The following NCOA3 variants were observed in gnomAD, a reference collection of about 807,000 sequenced individuals.
NCOA3 encodes CBP-interacting protein.
A neutral mutation model predicts 158.8 loss-of-function variants in NCOA3; 51 were observed. The observed-to-expected ratio is 0.32, with a 90% confidence interval of 0.26 to 0.41. The LOEUF (loss-of-function observed/expected upper bound fraction) is 0.41. NCOA3 is among the 10% of genes least tolerant of loss of function. The pLI is 1.00. For missense variants in NCOA3, 1,510 were observed against 1,746.6 expected (o/e 0.86, Z 2.41); for synonymous variants, 537 against 592.4 (o/e 0.91, Z 1.36).
intron 1 of NCOA3, among the ~76,000 whole-genome samples, chr20:47,561,331 C>T (rs1319426147): frequency 5.7e-5 from 8 of 139,566 alleles, no homozygotes; most frequent in African/African-American, 1.6e-4. Context: ...TACACGGTCT[C>T]GATCTGTTGC....
intron 1 of NCOA3, among the ~76,000 whole-genome samples, chr20:47,527,091 A>G (rs928632777): frequency 3.9e-5 from 6 of 152,186 alleles, no homozygotes; most frequent in Admixed American, 3.9e-4. Context: ...AGTAGCTTTT[A>G]TGTAGTTTGC....
chr20:47,512,492 C>T (rs557891593), intron 1 of NCOA3, among the ~76,000 whole-genome samples: 61 of 150,788 alleles, frequency 4.0e-4, no homozygotes, highest in Non-Finnish European at 7.1e-4. Flanking sequence ...TGCTTGAACC[C>T]GGCAGGCGAA....
At chr20:47,517,256 G>A (rs1423528586) in intron 1 of NCOA3, among the ~76,000 whole-genome samples, 2 of 152,020 alleles carry the variant, frequency 1.3e-5, no homozygotes, top group African/African-American at 4.8e-5. Flanking sequence ...TTACTATAAC[G>A]AAACAGTACA....
At position 47,627,742 on chromosome 20, in the gene NCOA3, A is replaced by G. The variant is rs1274966326; in HGVS notation, c.714A>G (p.Glu238=). ...CTCAGCCACGAGCTATGATGGAGGA[A>G]GGGGAAGGTAAGAGCTATTATATGT... is the stretch of plus-strand genomic sequence containing the variant. The part of the protein sequence containing the change: ...ALSQPRAMME[E]GEDLQSCMIC... The change falls in exon 7 of 23, where the codon GAA becomes GAG. Residue 238 remains glutamate, a synonymous_variant. Transcript: ENST00000371998. The G allele has an allele frequency of 4.3e-6, 7 of 1,612,944 alleles. No individual in the cohort carries two copies. In the East Asian group the frequency reaches 1.6e-4, roughly 36 times the overall value.
chr20:47,623,150 T>C lies in NCOA3; in HGVS notation c.84-761T>C, dbSNP rs183751459. 20 of 152,372 alleles carry C rather than the reference T, an allele frequency of 1.3e-4. No individual in the cohort carries two copies. In the East Asian group the frequency reaches 3.7e-3, roughly 28 times the overall value. The allele number at this position is 152,372 out of a possible 1,614,324, so 9.4% of individuals were successfully genotyped here. On this transcript the variant is annotated intron_variant, in intron 3 of 22. Transcript: ENST00000371998. ...TAGAAACAAAATAATGTAATCTATA[T>C]AACACTACTCTATAGCTTTTAAAGT... is the stretch of plus-strand genomic sequence containing the variant.
chr20:47,522,842 G>A (rs2084366182), intron 1 of NCOA3, among the ~76,000 whole-genome samples: 1 of 151,568 alleles, frequency 6.6e-6, no homozygotes, highest in Non-Finnish European at 1.5e-5. Context: ...AAGGTTGTTG[G>A]CCTGGCTCTA....
intron 1 of NCOA3, among the ~76,000 whole-genome samples, chr20:47,544,286 G>A (rs767145892): frequency 3.0e-4 from 34 of 113,552 alleles, no homozygotes; most frequent in Non-Finnish European, 5.6e-4. Flanking sequence ...TCATGATAAT[G>A]TATCTTTATT....
At chr20:47,518,223 G>A (rs2084266487) in intron 1 of NCOA3, among the ~76,000 whole-genome samples, 1 of 151,726 alleles carries the variant, frequency 6.6e-6, no homozygotes, top group African/African-American at 2.4e-5. Context: ...GTGCGCACCT[G>A]TAATCCCAGC....
intron 2 of NCOA3, among the ~76,000 whole-genome samples, chr20:47,583,832 T>C (rs1431217626): frequency 1.3e-5 from 2 of 152,168 alleles, no homozygotes; most frequent in African/African-American, 4.8e-5. Context: ...GGCCTGTGCC[T>C]TAGTCCCTAG....
chr20:47,653,346 G>A, intron 22 of NCOA3, 60 bp from the exon 23 acceptor site: 3 of 1,554,238 alleles, frequency 1.9e-6, no homozygotes, highest in Non-Finnish European at 2.6e-6. Context: ...TTTTTTTGTT[G>A]TGCAAAGCAT....
At chr20:47,508,001 T>C (rs1340609085) in intron 1 of NCOA3, among the ~76,000 whole-genome samples, 1 of 152,138 alleles carries the variant, frequency 6.6e-6, no homozygotes, top group Admixed American at 6.6e-5. Flanking sequence ...CCCTTTCTCC[T>C]CAGCTATCAA....
At chr20:47,537,881 T>C (rs2084660467) in intron 1 of NCOA3, among the ~76,000 whole-genome samples, 1 of 144,072 alleles carries the variant, frequency 6.9e-6, no homozygotes, top group South Asian at 2.2e-4. Context: ...TGTGCCTGGC[T>C]GTTTGTTTGT....
intron 1 of NCOA3, among the ~76,000 whole-genome samples, chr20:47,544,045 C>T (rs1372804408): frequency 6.6e-6 from 1 of 151,992 alleles, no homozygotes; most frequent in Non-Finnish European, 1.5e-5. Flanking sequence ...CTGTGTACTC[C>T]ACCCCGATTC....
intron 1 of NCOA3, among the ~76,000 whole-genome samples, chr20:47,576,515 G>A: frequency 6.6e-6 from 1 of 151,988 alleles, no homozygotes; most frequent in South Asian, 2.1e-4. Context: ...ATAATTACTC[G>A]ATCATTTCTC....
Position 47,656,558 on chromosome 20 carries a change from G to T in NCOA3, c.*3141G>T, listed in dbSNP as rs1194743004. The T allele has an allele frequency of 6.6e-6, 1 of 152,536 alleles. No individual in the cohort carries two copies. The highest frequency in any genetic ancestry group is 1.5e-5 in the Non-Finnish European group (1 of 68,034). 9.4% of individuals were successfully genotyped at this position (152,536 alleles called of 1,614,324 possible). ...AGGTTCCTAGGAGCAAAACCTCAAG[G>T]ATTGATTTATTGTTTTCAACTCCAA... On this transcript the variant is annotated 3_prime_UTR_variant, in exon 23 of 23. Transcript: ENST00000371998.
In NCOA3 at chr20:47,526,044, C is replaced by T. The variant is rs891014030; in HGVS notation, c.-99+24025C>T. Among the ~76,000 whole-genome samples the T allele has an allele frequency of 1.2e-4, 17 of 147,728 alleles. 1 individual carries two copies. In the South Asian group the frequency reaches 2.0e-3, roughly 17 times the overall value. On this transcript the variant is annotated intron_variant, in intron 1 of 22. Coordinates refer to ENST00000371998, the MANE Select transcript of NCOA3 (RefSeq NM_181659.3). ...GCGGAGGGGCTCCTCACTTCTCAGA[C>T]GGGGCGGTTGCCAGGCAGAGGGTCT...
At chr20:47,567,333 A>G (rs1602413446) in intron 1 of NCOA3, among the ~76,000 whole-genome samples, 1 of 151,936 alleles carries the variant, frequency 6.6e-6, no homozygotes, top group African/African-American at 2.4e-5. Flanking sequence ...GGTGTGAGCC[A>G]CTGCACTCGG....
chr20:47,644,477 A>T (rs559167174), intron 17 of NCOA3, among the ~76,000 whole-genome samples: 1 of 151,162 alleles, frequency 6.6e-6, no homozygotes, highest in Non-Finnish European at 1.5e-5. Flanking sequence ...AGTCTTCTCT[A>T]TTTTTCTTGT....
In NCOA3 at chr20:47,633,641, A is replaced by C. The variant is rs1568741793; in HGVS notation, c.964+5A>C. The C allele has an allele frequency of 1.2e-6, 2 of 1,609,058 alleles. No individual in the cohort carries two copies. Among genetic ancestry groups the C allele is most frequent in the Non-Finnish European group, 1.7e-6 (2 of 1,178,730 alleles). On this transcript the variant is annotated splice_donor_5th_base_variant and intron_variant, in intron 9 of 22. Transcript: ENST00000371998. Reference sequence around the variant, plus strand: ...AGAAACGTCACTATCAAGAAGGTAAAGAATTTTGGGGTTGATTGTTCTTAT... The same window carrying C: ...AGAAACGTCACTATCAAGAAGGTAACGAATTTTGGGGTTGATTGTTCTTAT...
Sources: gnomAD v4.1 joint callset for allele counts (sites outside exome capture counted in the v4.1 genomes callset) on GRCh38, gnomAD v4.1.1 for gene constraint, MANE v1.5 for transcripts, NCBI Gene and HGNC (gene_info 2026-07-23, HGNC 2026-07-21) for gene names.